The following DLG2 variants were observed in gnomAD, a reference collection of about 807,000 sequenced individuals.
DLG2 encodes the protein discs large MAGUK scaffold protein 2, also known as disks large homolog 2.
Under a neutral mutation model 132.5 loss-of-function variants are expected in DLG2, and 45 were observed. That is an observed-to-expected ratio of 0.34 (90% CI 0.27 to 0.44). The LOEUF (loss-of-function observed/expected upper bound fraction) is 0.44. Ranked by LOEUF, DLG2 falls within the 20% of genes least tolerant of loss-of-function variation. DLG2 has a pLI of 1.00. For synonymous variants in DLG2, 424 were observed against 419.6 expected (o/e 1.01, Z -0.13); for missense variants, 1,045 against 1,196.9 (o/e 0.87, Z 1.87).
intron 3 of DLG2, among the ~76,000 whole-genome samples, chr11:85,529,648 T>C (rs11828165): frequency 0.032 from 4,904 of 152,278 alleles, 263 homozygotes; most frequent in African/African-American, 0.11. Context: ...ACTCTGATCA[T>C]ACCCACCATT....
chr11:85,623,371 CT>C (rs1290983861), intron 2 of DLG2, among the ~76,000 whole-genome samples: 2 of 152,064 alleles, frequency 1.3e-5, no homozygotes, highest in East Asian at 3.9e-4. Flanking sequence ...GCGGCACAGT[CT>C]TACCTCACTG....
intron 15 of DLG2, among the ~76,000 whole-genome samples, chr11:83,910,763 C>T (rs184393614): frequency 6.6e-6 from 1 of 152,184 alleles, no homozygotes; most frequent in Non-Finnish European, 1.5e-5. Context: ...CATACAGGTA[C>T]TTTGAGAAGA....
At chr11:83,805,087 G>A (rs2045557266) in intron 17 of DLG2, among the ~76,000 whole-genome samples, 1 of 151,976 alleles carries the variant, frequency 6.6e-6, no homozygotes, top group Non-Finnish European at 1.5e-5. Flanking sequence ...CTGCGTCATA[G>A]CAGGAAGCTC....
chr11:84,539,246 T>C (rs1591868492), intron 6 of DLG2, among the ~76,000 whole-genome samples: 2 of 152,210 alleles, frequency 1.3e-5, no homozygotes, highest in African/African-American at 4.8e-5. Flanking sequence ...CAAATACATG[T>C]TAATTTCACT....
At chr11:85,176,780 A>G (rs2079281725) in intron 4 of DLG2, among the ~76,000 whole-genome samples, 1 of 152,130 alleles carries the variant, frequency 6.6e-6, no homozygotes, top group South Asian at 2.1e-4. Flanking sequence ...AAACAACTCA[A>G]TTAAAAAGTA....
In DLG2 at chr11:84,848,606, C is replaced by T. The variant is rs57015980; in HGVS notation, c.357+263055G>A. Among the ~76,000 whole-genome samples, 855 of 152,268 alleles carry T rather than the reference C, an allele frequency of 5.6e-3. 14 individuals are homozygous for T. The highest frequency in any genetic ancestry group is 0.019 in the African/African-American group (793 of 41,554). The stretch of plus-strand genomic sequence containing the variant: ...CACCTATCCCTGTCTCACCATTTTA[C>T]GATGGGTATGTGGGAGAAAGATAAC... On this transcript the variant is annotated intron_variant, in intron 6 of 27. Coordinates refer to ENST00000376104, the MANE Select transcript of DLG2 (RefSeq NM_001142699.3).
rs553230467 is a variant in DLG2 at position 84,204,817 on chromosome 11, T to G, written c.574-41306A>C. Among the ~76,000 whole-genome samples the G allele has an allele frequency of 6.1e-4, 93 of 152,284 alleles. 2 individuals carry two copies. In the South Asian group the frequency reaches 0.017, roughly 28 times the overall value. On this transcript the variant is annotated intron_variant, in intron 8 of 27. Transcript: ENST00000376104. ...CCTGAATTCAAGCCATTCTCCTGCC[T>G]CAGCCTCCTAAGTAGCTGGGATTAT... is the stretch of plus-strand genomic sequence containing the variant.
rs139355475 is a variant in DLG2 at position 85,022,097 on chromosome 11, ATATAT to A, written c.357+89559_357+89563del. Among the ~76,000 whole-genome samples the A allele has an allele frequency of 3.1e-4, 47 of 152,236 alleles. 2 individuals are homozygous for A. In the East Asian group the frequency reaches 6.4e-3, roughly 21 times the overall value. On this transcript the variant is annotated intron_variant, in intron 6 of 27. Transcript: ENST00000376104. ...CACTTAGTCATAAAATAGGAATGTA[ATATAT>A]TATATTTATGGGACACTTTCAAACA...
chr11:85,088,713 A>G (rs578123674), intron 6 of DLG2, among the ~76,000 whole-genome samples: 14 of 152,218 alleles, frequency 9.2e-5, no homozygotes, highest in Non-Finnish European at 2.1e-4. Context: ...AATATTTGAT[A>G]CATGCTTAAT....
chr11:84,178,743 GA>G (rs902065613), intron 8 of DLG2, among the ~76,000 whole-genome samples: 17 of 143,788 alleles, frequency 1.2e-4, no homozygotes, highest in South Asian at 6.6e-4. Flanking sequence ...CAACAAAAAA[GA>G]AAAAAAAAAC....
intron 3 of DLG2, among the ~76,000 whole-genome samples, chr11:85,504,695 G>GGA (rs2093886901): frequency 6.6e-6 from 1 of 152,078 alleles, no homozygotes; most frequent in South Asian, 2.1e-4. Flanking sequence ...TGGCAATGCA[G>GGA]GCTCTTTTTT....
chr11:84,709,156 G>T (rs1184258343), intron 6 of DLG2, among the ~76,000 whole-genome samples: 1 of 151,830 alleles, frequency 6.6e-6, no homozygotes, highest in East Asian at 1.9e-4. Flanking sequence ...GGAGAAAATA[G>T]GATATATTAA....
intron 6 of DLG2, among the ~76,000 whole-genome samples, chr11:84,587,138 A>G (rs944294922): frequency 1.9e-4 from 29 of 152,196 alleles, no homozygotes; most frequent in African/African-American, 6.8e-4. Context: ...TGTCTGTGCA[A>G]TTTGAGAGGA....
chr11:83,847,567 G>A (rs2058859037), intron 16 of DLG2, among the ~76,000 whole-genome samples: 1 of 152,164 alleles, frequency 6.6e-6, no homozygotes, highest in Non-Finnish European at 1.5e-5. Flanking sequence ...GCTGAGGCCT[G>A]TTTTCTAGTC....
chr11:84,768,367 A>T (rs1229124451), intron 6 of DLG2, among the ~76,000 whole-genome samples: 1 of 152,210 alleles, frequency 6.6e-6, no homozygotes, highest in Non-Finnish European at 1.5e-5. Flanking sequence ...TCACCATTAA[A>T]TGTAAAAGAA....
At chr11:84,382,789 C>G (rs2098753376) in intron 7 of DLG2, among the ~76,000 whole-genome samples, 1 of 151,936 alleles carries the variant, frequency 6.6e-6, no homozygotes. Flanking sequence ...CTCAATCTCT[C>G]TCCTACCACT....
chr11:85,514,410 T>C (rs907008817), intron 3 of DLG2, among the ~76,000 whole-genome samples: 3 of 151,968 alleles, frequency 2.0e-5, no homozygotes, highest in Non-Finnish European at 1.5e-5. Flanking sequence ...AATTTTTGAA[T>C]ATGCTTTTAT....
chr11:84,770,669 C>A (rs1167372809), intron 6 of DLG2, among the ~76,000 whole-genome samples: 1 of 141,742 alleles, frequency 7.1e-6, no homozygotes, highest in South Asian at 2.3e-4. Flanking sequence ...GAGACGGAGT[C>A]TTGCTCTGTC....
chr11:84,057,752 A>G (rs545065408), intron 11 of DLG2, among the ~76,000 whole-genome samples: 3 of 152,280 alleles, frequency 2.0e-5, no homozygotes, highest in Non-Finnish European at 4.4e-5. Context: ...TTTGTGAATC[A>G]ACTCATCTAA....
Sources: gnomAD v4.1 joint callset for allele counts (sites outside exome capture counted in the v4.1 genomes callset) on GRCh38, gnomAD v4.1.1 for gene constraint, MANE v1.5 for transcripts, NCBI Gene and HGNC (gene_info 2026-07-23, HGNC 2026-07-21) for gene names.